Variants in CNTNAP5 observed in about 807,000 individuals in gnomAD.
CNTNAP5 encodes the protein contactin-associated protein-like 5.
A neutral mutation model predicts 150.2 loss-of-function variants in CNTNAP5; 72 were observed. The ratio of observed to expected loss-of-function variants is 0.48; its 90% CI spans 0.40 to 0.58. CNTNAP5 has a LOEUF of 0.58. CNTNAP5 is among the 20% of genes least tolerant of loss of function. The pLI is 0.00. For synonymous variants in CNTNAP5, 672 were observed against 619.8 expected (o/e 1.08, Z -1.25); for missense variants, 1,636 against 1,626.2 (o/e 1.01, Z -0.10).
intron 1 of CNTNAP5, among the ~76,000 whole-genome samples, chr2:124,121,590 T>C (rs1683562692): frequency 6.6e-6 from 1 of 152,158 alleles, no homozygotes; most frequent in Non-Finnish European, 1.5e-5. Flanking sequence ...TCACAAGTAA[T>C]AGCAAATGTC....
At chr2:124,896,511 C>A (rs981112321) in intron 21 of CNTNAP5, among the ~76,000 whole-genome samples, 1 of 150,868 alleles carries the variant, frequency 6.6e-6, no homozygotes, top group Non-Finnish European at 1.5e-5. Flanking sequence ...TAGAATTAAG[C>A]AAAATGCCTT....
intron 14 of CNTNAP5, among the ~76,000 whole-genome samples, chr2:124,753,065 G>T (rs1680764197): frequency 6.6e-6 from 1 of 152,172 alleles, no homozygotes; most frequent in Admixed American, 6.5e-5. Flanking sequence ...AGAAAGTACA[G>T]AAGTTTTCAT....
intron 19 of CNTNAP5, among the ~76,000 whole-genome samples, chr2:124,856,956 A>T (rs1677388373): frequency 6.6e-6 from 1 of 152,190 alleles, no homozygotes; most frequent in South Asian, 2.1e-4. Flanking sequence ...GCAGGGAGGC[A>T]CTGGTTTCTG....
chr2:124,620,350 G>A (rs921569586), intron 12 of CNTNAP5, among the ~76,000 whole-genome samples: 6 of 151,964 alleles, frequency 3.9e-5, no homozygotes, highest in African/African-American at 1.5e-4. Context: ...ATTTAATCTT[G>A]ACTGAGCTTG....
chr2:124,304,961 A>G (rs1327154931), intron 3 of CNTNAP5, among the ~76,000 whole-genome samples: 2 of 151,988 alleles, frequency 1.3e-5, no homozygotes, highest in South Asian at 2.1e-4. Context: ...AGGAGTAAAC[A>G]AAAGAGGAAT....
chr2:124,209,364 CT>C (rs1685946943), intron 1 of CNTNAP5, among the ~76,000 whole-genome samples: 1 of 152,208 alleles, frequency 6.6e-6, no homozygotes, highest in South Asian at 2.1e-4. Context: ...ACCATCTTGG[CT>C]GTCCTTCCTG....
intron 1 of CNTNAP5, among the ~76,000 whole-genome samples, chr2:124,216,020 C>A (rs567983683): frequency 6.6e-6 from 1 of 152,118 alleles, no homozygotes; most frequent in African/African-American, 2.4e-5. Context: ...TAAGCTCCCC[C>A]CAAACCCTTA....
chr2:124,441,427 C>T (rs1692671365), intron 5 of CNTNAP5, among the ~76,000 whole-genome samples: 1 of 151,982 alleles, frequency 6.6e-6, no homozygotes, highest in Non-Finnish European at 1.5e-5. Context: ...GTTTTATCCG[C>T]ACATAGTGCT....
intron 1 of CNTNAP5, among the ~76,000 whole-genome samples, chr2:124,069,799 T>C (rs1000637924): frequency 6.6e-6 from 1 of 152,136 alleles, no homozygotes; most frequent in African/African-American, 2.4e-5. Flanking sequence ...AGGGAGTTCC[T>C]CAATCTGAAA....
At chr2:124,665,039 G>C (rs1678669754) in intron 13 of CNTNAP5, among the ~76,000 whole-genome samples, 1 of 152,102 alleles carries the variant, frequency 6.6e-6, no homozygotes, top group African/African-American at 2.4e-5. Flanking sequence ...GAAGTAATTG[G>C]TGCATAGCCT....
At chr2:124,191,946 CT>C (rs1162098868) in intron 1 of CNTNAP5, among the ~76,000 whole-genome samples, 2 of 151,930 alleles carry the variant, frequency 1.3e-5, no homozygotes, top group Admixed American at 1.3e-4. Flanking sequence ...ATACAAAACT[CT>C]CCCTAGCAGG....
chr2:124,765,941 A>G (rs1681059432), intron 16 of CNTNAP5, among the ~76,000 whole-genome samples: 1 of 152,042 alleles, frequency 6.6e-6, no homozygotes, highest in African/African-American at 2.4e-5. Context: ...GGGTAACAAG[A>G]GTGAAACTTT....
intron 3 of CNTNAP5, among the ~76,000 whole-genome samples, chr2:124,337,472 C>G (rs1018787667): frequency 2.3e-4 from 35 of 151,994 alleles, no homozygotes; most frequent in Non-Finnish European, 3.7e-4. Flanking sequence ...GAATGGTATT[C>G]CCTAGGTTTT....
intron 1 of CNTNAP5, among the ~76,000 whole-genome samples, chr2:124,040,879 G>A (rs982069298): frequency 2.0e-5 from 3 of 152,180 alleles, no homozygotes; most frequent in Admixed American, 2.0e-4. Context: ...AATGGTGACA[G>A]TTGCTGTATT....
chr2:124,349,988 G>A (rs139830368), intron 3 of CNTNAP5, among the ~76,000 whole-genome samples: 34 of 141,724 alleles, frequency 2.4e-4, no homozygotes, highest in African/African-American at 6.4e-4. Context: ...GGGTTCAAGC[G>A]ATTCTCCTGC....
At chr2:124,326,930 G>A (rs1197750383) in intron 3 of CNTNAP5, among the ~76,000 whole-genome samples, 1 of 145,320 alleles carries the variant, frequency 6.9e-6, no homozygotes, top group Non-Finnish European at 1.5e-5. Flanking sequence ...GATTGAGATT[G>A]TACCACTGCA....
intron 1 of CNTNAP5, among the ~76,000 whole-genome samples, chr2:124,212,618 A>G (rs1361321571): frequency 6.6e-6 from 1 of 152,132 alleles, no homozygotes; most frequent in Non-Finnish European, 1.5e-5. Flanking sequence ...CATAACCTTA[A>G]AAGTTTAATA....
intron 1 of CNTNAP5, among the ~76,000 whole-genome samples, chr2:124,047,764 G>T (rs1681576746): frequency 6.6e-6 from 1 of 152,088 alleles, no homozygotes; most frequent in Admixed American, 6.5e-5. Context: ...TCTTTTTTCA[G>T]CTCTATCGTT....
intron 1 of CNTNAP5, among the ~76,000 whole-genome samples, chr2:124,115,979 G>A (rs1573764878): frequency 1.3e-5 from 2 of 152,188 alleles, no homozygotes; most frequent in East Asian, 1.9e-4. Context: ...GGTTGGTAAA[G>A]CTCAATGCTT....
Sources: allele counts gnomAD v4.1 joint callset (sites outside exome capture counted in the v4.1 genomes callset), GRCh38; gene constraint gnomAD v4.1.1; transcripts MANE v1.5; gene names NCBI Gene and HGNC (gene_info 2026-07-23, HGNC 2026-07-21).